FAT3: variants seen among roughly 807,000 people sequenced by gnomAD.
FAT3 encodes the protein FAT atypical cadherin 3, also known as protocadherin Fat 3.
In FAT3, 95 loss-of-function variants were observed where a neutral mutation model predicts 310.2. The observed-to-expected ratio is 0.31, with a 90% CI of 0.26 to 0.36. FAT3 has a LOEUF of 0.36. Among genes scored for constraint, FAT3 ranks in the 10% least tolerant of loss-of-function variants. The pLI is 1.00. For synonymous variants in FAT3, 2,314 were observed against 2,192.9 expected (o/e 1.06, Z -1.54); for missense variants, 5,408 against 5,715.6 (o/e 0.95, Z 1.74).
chr11:92,458,039 A>T (rs894156454), intron 2 of FAT3, among the ~76,000 whole-genome samples: 1 of 152,224 alleles, frequency 6.6e-6, no homozygotes, highest in Non-Finnish European at 1.5e-5. Context: ...AGAAAGCATC[A>T]TCTTCTTCTT....
chr11:92,311,895 G>T (rs1947314054), intron 1 of FAT3, among the ~76,000 whole-genome samples: 1 of 152,070 alleles, frequency 6.6e-6, no homozygotes. Context: ...ATCAAAAGGA[G>T]ATGGCCCAGT....
chr11:92,752,636 C>G (rs1347743464), intron 4 of FAT3, among the ~76,000 whole-genome samples: 4 of 152,164 alleles, frequency 2.6e-5, no homozygotes, highest in Admixed American at 2.6e-4. Flanking sequence ...CAAAAGGAAA[C>G]CACACACTTA....
chr11:92,475,025 A>G (rs1396234748), intron 2 of FAT3, among the ~76,000 whole-genome samples: 6 of 151,962 alleles, frequency 3.9e-5, no homozygotes, highest in Admixed American at 3.9e-4. Flanking sequence ...GGTTTTAAAT[A>G]TTTCTCCTTT....
chr11:92,861,868 C>T (rs1302925169), intron 21 of FAT3, among the ~76,000 whole-genome samples: 2 of 152,184 alleles, frequency 1.3e-5, no homozygotes, highest in Non-Finnish European at 2.9e-5. Flanking sequence ...TATATTTTCC[C>T]AGTCAGAGCA....
At chr11:92,395,865 C>T (rs2134836733) in intron 2 of FAT3, among the ~76,000 whole-genome samples, 2 of 152,262 alleles carry the variant, frequency 1.3e-5, no homozygotes, top group Middle Eastern at 3.4e-3. Flanking sequence ...AGGCATCAGC[C>T]ACCACGCCCG....
intron 13 of FAT3, among the ~76,000 whole-genome samples, chr11:92,822,043 G>T (rs1396768258): frequency 1.3e-5 from 2 of 152,056 alleles, no homozygotes; most frequent in Non-Finnish European, 2.9e-5. Context: ...TGATTATAAT[G>T]CCTTTCCCTA....
At chr11:92,685,652 T>C (rs1019478665) in intron 3 of FAT3, among the ~76,000 whole-genome samples, 3 of 151,288 alleles carry the variant, frequency 2.0e-5, no homozygotes, top group Non-Finnish European at 4.4e-5. Context: ...CCAATATTTA[T>C]TGATGCCCTT....
intron 2 of FAT3, among the ~76,000 whole-genome samples, chr11:92,500,494 T>C (rs1952905433): frequency 6.6e-6 from 1 of 152,014 alleles, no homozygotes. Flanking sequence ...GATGAAATGT[T>C]TCAAAATAGT....
rs779680853 is a variant in FAT3 at position 92,353,126 on chromosome 11, C to T, written c.1014C>T (p.Pro338=). 2 of 1,613,576 alleles carry T rather than the reference C, an allele frequency of 1.2e-6. No homozygotes were observed. Among genetic ancestry groups the T allele is most frequent in the Non-Finnish European group, 1.7e-6 (2 of 1,179,824 alleles). The change falls in exon 2 of 28, where the codon CCC becomes CCT. Residue 338 remains proline (P), a synonymous_variant. Transcript: ENST00000525166. ...ERKQIDWESF[P]YGYNLTLQAK... Reference sequence around the variant, plus strand: ...AGCAGATTGACTGGGAGAGCTTTCCCTATGGCTACAATCTCACTCTTCAAG... The same window carrying T: ...AGCAGATTGACTGGGAGAGCTTTCCTTATGGCTACAATCTCACTCTTCAAG...
intron 3 of FAT3, among the ~76,000 whole-genome samples, chr11:92,527,165 A>C (rs565751262): frequency 5.6e-4 from 86 of 152,290 alleles, no homozygotes; most frequent in African/African-American, 2.0e-3. Context: ...CTGAGTTTCA[A>C]ATGCTTGCTC....
chr11:92,523,688 C>T (rs574900899), intron 2 of FAT3, among the ~76,000 whole-genome samples: 3 of 152,284 alleles, frequency 2.0e-5, no homozygotes, highest in East Asian at 3.9e-4. Context: ...TTTCTATGAG[C>T]CTCCTGACTA....
rs886654949 is a variant in FAT3, at chr11:92,439,822, G to A, written c.3292+84418G>A. Among the ~76,000 whole-genome samples the A allele has an allele frequency of 6.6e-5, 10 of 152,154 alleles. No individual in the cohort carries two copies. The East Asian group carries it at 7.8e-4, about 12-fold the overall frequency. On this transcript the variant is annotated intron_variant, in intron 2 of 27. Transcript: ENST00000525166. The stretch of plus-strand genomic sequence containing the variant: ...TTCTAGCTATTCAGGAGGCTGAGGC[G>A]GGAGGGTCACTTGAGCTCAGGATGT...
At chr11:92,708,338 A>G (rs1944420362) in intron 4 of FAT3, among the ~76,000 whole-genome samples, 1 of 152,262 alleles carries the variant, frequency 6.6e-6, no homozygotes, top group African/African-American at 2.4e-5. Flanking sequence ...ATCCCTTTAC[A>G]TTTATATCAA....
Position 92,488,662 on chromosome 11 carries a change from C to A in FAT3, c.3293-35972C>A, listed in dbSNP as rs1249627745. On this transcript the variant is annotated intron_variant, in intron 2 of 27. Transcript: ENST00000525166. ...TCCCTCCTCTGCCTAGAACCATCCC[C>A]CAGGCTCCTTTTGGATTAACTTCTG... 2.6e-5 allele frequency among the ~76,000 whole-genome samples: 4 copies of A among 152,022 alleles called. No individual in the cohort carries two copies. The East Asian group carries it at 5.8e-4, about 22-fold the overall frequency.
At position 92,631,877 on chromosome 11, in the gene FAT3, G is replaced by A. The variant is rs937747132; in HGVS notation, c.3608-65507G>A. Reference sequence around the variant, plus strand: ...AAAATGGAGAGCTTCTGTGTTCTTCGATATTATGGAAGCCACTGAGCTTCC... The same window carrying A: ...AAAATGGAGAGCTTCTGTGTTCTTCAATATTATGGAAGCCACTGAGCTTCC... On this transcript the variant is annotated intron_variant, in intron 3 of 27. Transcript: ENST00000525166. 3.9e-5 allele frequency among the ~76,000 whole-genome samples: 6 copies of A among 152,064 alleles called. No individual in the cohort carries two copies. In the South Asian group the frequency reaches 6.2e-4, roughly 16 times the overall value.
At chr11:92,309,915 G>A (rs1264381483) in intron 1 of FAT3, among the ~76,000 whole-genome samples, 5 of 151,054 alleles carry the variant, frequency 3.3e-5, no homozygotes, top group Non-Finnish European at 5.9e-5. Flanking sequence ...AGGGAAGATT[G>A]GAATGAGAGT....
intron 6 of FAT3, among the ~76,000 whole-genome samples, chr11:92,772,258 C>G (rs544598107): frequency 3.3e-5 from 5 of 152,296 alleles, no homozygotes; most frequent in African/African-American, 1.2e-4. Context: ...ACATTCTCAT[C>G]TTTCCTTCCA....
At chr11:92,502,610 G>A (rs1024608389) in intron 2 of FAT3, among the ~76,000 whole-genome samples, 18 of 151,994 alleles carry the variant, frequency 1.2e-4, no homozygotes, top group African/African-American at 3.6e-4. Context: ...TCTATTCTGC[G>A]CTGTTTCAAT....
At chr11:92,493,036 A>G (rs1952654549) in intron 2 of FAT3, among the ~76,000 whole-genome samples, 1 of 152,082 alleles carries the variant, frequency 6.6e-6, no homozygotes, top group South Asian at 2.1e-4. Flanking sequence ...AAACTTAAGT[A>G]GATTTCAAAC....
Sources: gnomAD v4.1 joint callset for allele counts (sites outside exome capture counted in the v4.1 genomes callset) on GRCh38, gnomAD v4.1.1 for gene constraint, MANE v1.5 for transcripts, NCBI Gene and HGNC (gene_info 2026-07-23, HGNC 2026-07-21) for gene names.